Variants in SLCO1C1 observed in about 807,000 individuals in gnomAD.
The protein encoded by SLCO1C1 is OAT-RP-5.
Under a neutral mutation model 76.4 loss-of-function variants are expected in SLCO1C1, and 70 were observed. The ratio of observed to expected loss-of-function variants is 0.92; its 90% confidence interval spans 0.76 to 1.12. The LOEUF is 1.12. SLCO1C1 is among the 50% of genes most tolerant of loss of function. SLCO1C1 has a pLI of 0.00. For missense variants in SLCO1C1, 912 were observed against 823.8 expected (o/e 1.11, Z -1.31); for synonymous variants, 306 against 286.1 (o/e 1.07, Z -0.70).
chr12:20,717,586 G>A (rs1184809104), intron 7 of SLCO1C1, among the ~76,000 whole-genome samples: 5 of 128,956 alleles, frequency 3.9e-5, no homozygotes, highest in African/African-American at 1.4e-4. Context: ...AATTGATAAT[G>A]TATTTGGGGA....
Position 20,695,590 on chromosome 12 carries a change from G to A in SLCO1C1, c.-243G>A, listed in dbSNP as rs1051724617. The A allele has an allele frequency of 6.6e-6, 1 of 152,130 alleles. No homozygotes were observed. Among genetic ancestry groups the A allele is most frequent in the African/African-American group, 2.4e-5 (1 of 41,432 alleles). 9.4% of individuals were successfully genotyped at this position (152,130 alleles called of 1,614,324 possible). A position where few individuals can be genotyped will look rare whatever the true frequency, so the allele number is the denominator to read the frequency against. ...GAAAAAAGAGGCCAGGAAGAAAGAG[G>A]AAAGAGAAGAGATCGCTCAGGGGTG... On this transcript the variant is annotated 5_prime_UTR_variant, in exon 1 of 15. Transcript: ENST00000266509.
intron 1 of SLCO1C1, among the ~76,000 whole-genome samples, chr12:20,699,253 T>C (rs537297045): frequency 2.6e-5 from 4 of 152,146 alleles, no homozygotes; most frequent in African/African-American, 7.2e-5. Context: ...ACCACAAAGT[T>C]AGCAAAATTC....
chr12:20,712,438 T>C (rs1947155157), intron 5 of SLCO1C1, among the ~76,000 whole-genome samples: 2 of 152,148 alleles, frequency 1.3e-5, no homozygotes, highest in Admixed American at 1.3e-4. Context: ...AGAGTAGCCA[T>C]GAATTTGTCC....
In SLCO1C1 at chr12:20,751,234, C is replaced by T. The variant is rs372518969; in HGVS notation, c.1916+442C>T. On this transcript the variant is annotated intron_variant, in intron 14 of 14. Coordinates refer to ENST00000266509, the MANE Select transcript of SLCO1C1 (RefSeq NM_017435.5). ...TGGATTTGGCTCTAAATCTGTCCGG[C>T]TTTTATTGCCAAACTAATGTTCAAT... Among the ~76,000 whole-genome samples, 176 of 152,216 alleles carry T rather than the reference C, an allele frequency of 1.2e-3. 4 individuals carry two copies. In the South Asian group the frequency reaches 0.034, roughly 29 times the overall value.
intron 9 of SLCO1C1, among the ~76,000 whole-genome samples, chr12:20,730,181 T>C (rs986529332): frequency 1.3e-5 from 2 of 152,212 alleles, no homozygotes; most frequent in African/African-American, 4.8e-5. Flanking sequence ...GAAGATACTT[T>C]ATTCATAAAC....
At chr12:20,716,817 A>G (rs1947379722) in intron 6 of SLCO1C1, among the ~76,000 whole-genome samples, 1 of 152,186 alleles carries the variant, frequency 6.6e-6, no homozygotes, top group Non-Finnish European at 1.5e-5. Context: ...TACAATTCTA[A>G]TTTTTATCAA....
intron 9 of SLCO1C1, among the ~76,000 whole-genome samples, chr12:20,725,066 ATATAT>A (rs931409338): frequency 9.8e-5 from 13 of 132,746 alleles, no homozygotes; most frequent in African/African-American, 3.3e-4. Context: ...TATATATTAT[ATATAT>A]TATAATAAAT....
intron 7 of SLCO1C1, 136 bp from the exon 8 acceptor site, chr12:20,721,668 A>T: frequency 3.4e-5 from 39 of 1,149,196 alleles, no homozygotes; most frequent in Middle Eastern, 6.2e-4. Flanking sequence ...ATCCAGATAA[A>T]AAAAAAAATA....
chr12:20,715,116 C>A, intron 5 of SLCO1C1, 23 bp from the exon 6 acceptor site: 1 of 1,612,726 alleles, frequency 6.2e-7, no homozygotes, highest in South Asian at 1.1e-5. Flanking sequence ...ATTTTCAATC[C>A]TCTGGTTTGC....
chr12:20,710,078 T>C (rs113496544), intron 4 of SLCO1C1, among the ~76,000 whole-genome samples: 5,355 of 152,084 alleles, frequency 0.035, 124 homozygotes, highest in Non-Finnish European at 0.051. Flanking sequence ...GTGGGGTTCA[T>C]GAACCCATTG....
chr12:20,738,406 C>T (rs1464429518), intron 11 of SLCO1C1, among the ~76,000 whole-genome samples: 2 of 152,056 alleles, frequency 1.3e-5, no homozygotes, highest in Non-Finnish European at 2.9e-5. Context: ...AATTAGACCA[C>T]CCATGTATCT....
At chr12:20,736,756 T>G (rs1346957930) in intron 10 of SLCO1C1, among the ~76,000 whole-genome samples, 1 of 152,116 alleles carries the variant, frequency 6.6e-6, no homozygotes, top group African/African-American at 2.4e-5. Flanking sequence ...ATTGAAGTAG[T>G]GTCATAAATT....
intron 4 of SLCO1C1, 28 bp downstream of exon 4, chr12:20,706,109 T>C (rs1246532583): frequency 6.4e-7 from 1 of 1,569,562 alleles, no homozygotes; most frequent in Non-Finnish European, 8.6e-7. Context: ...ATCTTTTCCT[T>C]GCCTTTCCAA....
At chr12:20,737,049 A>G in intron 10 of SLCO1C1, 58 bp from the exon 11 acceptor site, 1 of 1,368,260 alleles carries the variant, frequency 7.3e-7, no homozygotes, top group Non-Finnish European at 9.5e-7. Flanking sequence ...ATTTTTTGAA[A>G]ATATTCGGGT....
At chr12:20,717,048 C>T (rs1348389595) in intron 6 of SLCO1C1, 84 bp from the exon 7 acceptor site, 2 of 1,228,562 alleles carry the variant, frequency 1.6e-6, no homozygotes, top group African/African-American at 1.6e-5. Context: ...GACTGGATCA[C>T]ACATTTCTTG....
chr12:20,725,337 C>T (rs1011286779), intron 9 of SLCO1C1, among the ~76,000 whole-genome samples: 2 of 130,016 alleles, frequency 1.5e-5, no homozygotes, highest in African/African-American at 2.8e-5. Context: ...GTATTATATG[C>T]TATATTAAAA....
At chr12:20,749,068 A>C (rs768959079) in intron 13 of SLCO1C1, among the ~76,000 whole-genome samples, 23 of 152,218 alleles carry the variant, frequency 1.5e-4, no homozygotes, top group Non-Finnish European at 5.9e-5. Flanking sequence ...AATTATTTAC[A>C]TGAGTATTTG....
At chr12:20,699,422 C>G in intron 1 of SLCO1C1, 130 bp from the exon 2 acceptor site, 1 of 735,454 alleles carries the variant, frequency 1.4e-6, no homozygotes, top group Non-Finnish European at 2.0e-6. Context: ...CATTTGCCAA[C>G]TTACTGTGAC....
intron 14 of SLCO1C1, 94 bp downstream of exon 14, chr12:20,750,886 T>G (rs540825981): frequency 6.2e-7 from 1 of 1,612,680 alleles, no homozygotes; most frequent in South Asian, 1.1e-5. Flanking sequence ...GTCATTTCAC[T>G]GCTTGTAAGG....
Sources: allele counts gnomAD v4.1 joint callset (sites outside exome capture counted in the v4.1 genomes callset), GRCh38; gene constraint gnomAD v4.1.1; transcripts MANE v1.5; gene names NCBI Gene and HGNC (gene_info 2026-07-23, HGNC 2026-07-21).